DGLUCY: variants seen among roughly 807,000 people sequenced by gnomAD.
DGLUCY encodes the protein D-glutamate cyclase, mitochondrial.
In DGLUCY, 58 loss-of-function variants were observed where a neutral mutation model predicts 58.5. The ratio of observed to expected loss-of-function variants is 0.99; its 90% CI spans 0.80 to 1.23. DGLUCY has a LOEUF of 1.23. Ranked by LOEUF, DGLUCY falls within the 50% of genes most tolerant of loss-of-function variation. The pLI is 0.00. For missense variants in DGLUCY, 779 were observed against 784.7 expected (o/e 0.99, Z 0.09); for synonymous variants, 325 against 314.1 (o/e 1.03, Z -0.37).
At chr14:91,172,172 G>A (rs936801618) in intron 5 of DGLUCY, among the ~76,000 whole-genome samples, 2 of 152,182 alleles carry the variant, frequency 1.3e-5, no homozygotes, top group South Asian at 2.1e-4. Context: ...CTGGGTTCAA[G>A]AGATCCTCCC....
chr14:91,073,070 G>T (rs923185911), intron 1 of DGLUCY, among the ~76,000 whole-genome samples: 1 of 152,102 alleles, frequency 6.6e-6, no homozygotes, highest in Non-Finnish European at 1.5e-5. Context: ...TAAGATGGAA[G>T]ATGGCTCCCA....
At chr14:91,146,073 AT>A (rs1566965228) in intron 1 of DGLUCY, among the ~76,000 whole-genome samples, 1 of 152,136 alleles carries the variant, frequency 6.6e-6, no homozygotes, top group East Asian at 1.9e-4. Context: ...GGGTCTCACC[AT>A]GTTGCTCAGG....
At chr14:91,181,806 C>T (rs1227747166) in intron 8 of DGLUCY, among the ~76,000 whole-genome samples, 2 of 151,576 alleles carry the variant, frequency 1.3e-5, no homozygotes, top group East Asian at 3.9e-4. Context: ...TCCACCACAC[C>T]TGGCTAATTT....
chr14:91,144,340 A>G (rs2046901473), intron 1 of DGLUCY, among the ~76,000 whole-genome samples: 1 of 152,158 alleles, frequency 6.6e-6, no homozygotes, highest in Non-Finnish European at 1.5e-5. Flanking sequence ...CAGGTGGATC[A>G]CCTTAGGTCA....
At chr14:91,119,629 TCGG>T (rs1263497913) in intron 1 of DGLUCY, among the ~76,000 whole-genome samples, 2 of 152,174 alleles carry the variant, frequency 1.3e-5, no homozygotes, top group African/African-American at 4.8e-5. Flanking sequence ...GCCCTCTCCC[TCGG>T]TGTGATGGCT....
chr14:91,201,118 A>C (rs2050526770), intron 11 of DGLUCY, among the ~76,000 whole-genome samples: 1 of 152,154 alleles, frequency 6.6e-6, no homozygotes, highest in African/African-American at 2.4e-5. Flanking sequence ...GTATTGTCAC[A>C]AAGTCAATTG....
chr14:91,086,273 A>C (rs939138233), intron 1 of DGLUCY, among the ~76,000 whole-genome samples: 7 of 152,176 alleles, frequency 4.6e-5, no homozygotes, highest in African/African-American at 1.7e-4. Flanking sequence ...AATAGAAATA[A>C]AGTGCACAAT....
At chr14:91,140,488 A>G (rs1222403242) in intron 1 of DGLUCY, among the ~76,000 whole-genome samples, 1 of 152,170 alleles carries the variant, frequency 6.6e-6, no homozygotes, top group African/African-American at 2.4e-5. Flanking sequence ...CCTGGCCAAC[A>G]TGGTGAAACC....
intron 12 of DGLUCY, 77 bp downstream of exon 12, chr14:91,204,902 A>G (rs2140632600): frequency 1.3e-6 from 2 of 1,592,138 alleles, no homozygotes; most frequent in East Asian, 4.5e-5. Flanking sequence ...ACCAGGCCAG[A>G]AGCTCTTCTT....
intron 7 of DGLUCY, among the ~76,000 whole-genome samples, chr14:91,180,426 G>A (rs2049105329): frequency 6.6e-6 from 1 of 151,618 alleles, no homozygotes; most frequent in Admixed American, 6.6e-5. Flanking sequence ...ACTAAAATTA[G>A]CCAGGCGTGG....
At position 91,196,505 on chromosome 14, in the gene DGLUCY, G is replaced by A. The variant is rs746659070; in HGVS notation, c.1295+31G>A. ...TATGTCGCATCCCAGTTTAAGTGGC[G>A]GATGGTGGAAACGCCCATATGCTCT... On this transcript the variant is annotated intron_variant, in intron 10 of 13. Coordinates refer to ENST00000256324, the MANE Select transcript of DGLUCY (RefSeq NM_001102368.3). The A allele has an allele frequency of 3.6e-5, 57 of 1,579,642 alleles. No individual in the cohort carries two copies. In the Middle Eastern group the frequency reaches 2.1e-3, roughly 57 times the overall value.
rs56731427 is a variant in DGLUCY at position 91,177,806 on chromosome 14, G to T, written c.730+1750G>T. Among the ~76,000 whole-genome samples the T allele has an allele frequency of 4.8e-3, 734 of 152,340 alleles. 7 individuals are homozygous for T. Among genetic ancestry groups the T allele is most frequent in the African/African-American group, 0.017 (692 of 41,590 alleles). On this transcript the variant is annotated intron_variant, in intron 7 of 13. Transcript: ENST00000256324. The stretch of plus-strand genomic sequence containing the variant: ...TGCCAAGATCCACAGGATTCCATTT[G>T]TTCATTTATTTAAGTGCATGTGTTG...
intron 1 of DGLUCY, among the ~76,000 whole-genome samples, chr14:91,147,349 C>T (rs553379242): frequency 9.9e-5 from 15 of 152,250 alleles, no homozygotes; most frequent in Non-Finnish European, 2.1e-4. Flanking sequence ...GAGGATCTAA[C>T]CCAGAAAGCC....
chr14:91,221,392 G>A (rs1887470281), intron 13 of DGLUCY, among the ~76,000 whole-genome samples: 1 of 152,058 alleles, frequency 6.6e-6, no homozygotes, highest in Non-Finnish European at 1.5e-5. Context: ...TGGATAGATG[G>A]ATGGGTGGAT....
intron 13 of DGLUCY, among the ~76,000 whole-genome samples, chr14:91,217,722 A>C (rs995791338): frequency 2.6e-5 from 4 of 152,052 alleles, no homozygotes; most frequent in African/African-American, 9.7e-5. Flanking sequence ...TCCTGACCTC[A>C]GGTGATCCAC....
intron 1 of DGLUCY, among the ~76,000 whole-genome samples, chr14:91,141,868 CAG>C (rs1420823987): frequency 2.2e-5 from 3 of 133,538 alleles, no homozygotes; most frequent in African/African-American, 5.7e-5. Context: ...TTTTTTCAGA[CAG>C]AGTCTTGCTC....
At chr14:91,110,816 A>C (rs2044680546), upstream of DGLUCY, among the ~76,000 whole-genome samples, 1 of 152,136 alleles carries the variant, frequency 6.6e-6, no homozygotes, top group Non-Finnish European at 1.5e-5. Flanking sequence ...TAAGTGTAAA[A>C]TTTGGTGGCA....
intron 9 of DGLUCY, among the ~76,000 whole-genome samples, chr14:91,193,957 A>G (rs1011168913): frequency 3.3e-5 from 5 of 151,774 alleles, no homozygotes; most frequent in Middle Eastern, 3.2e-3. Flanking sequence ...TGGGAACCTC[A>G]TCTTGCCCAG....
chr14:91,131,596 C>T (rs993161537), intron 1 of DGLUCY, among the ~76,000 whole-genome samples: 4 of 152,016 alleles, frequency 2.6e-5, no homozygotes, highest in African/African-American at 9.7e-5. Flanking sequence ...AGGTATATCT[C>T]CTATGCTATC....
Sources: allele counts gnomAD v4.1 joint callset (sites outside exome capture counted in the v4.1 genomes callset), GRCh38; gene constraint gnomAD v4.1.1; transcripts MANE v1.5; gene names NCBI Gene and HGNC (gene_info 2026-07-23, HGNC 2026-07-21).